Variants in LPP observed in about 807,000 individuals in gnomAD.
LPP encodes the protein LIM domain containing preferred translocation partner in lipoma, also known as lipoma-preferred partner.
In LPP, 38 loss-of-function variants were observed where a neutral mutation model predicts 60.4. The observed-to-expected ratio is 0.63, with a 90% CI of 0.49 to 0.83. The LOEUF (loss-of-function observed/expected upper bound fraction) is 0.83. LPP is among the 40% of genes least tolerant of loss of function. The pLI is 0.00. For missense variants in LPP, 902 were observed against 783.6 expected (o/e 1.15, Z -1.80); for synonymous variants, 328 against 290.8 (o/e 1.13, Z -1.30).
At chr3:188,840,429 A>ATCT (rs1759647268) in intron 9 of LPP, among the ~76,000 whole-genome samples, 1 of 152,208 alleles carries the variant, frequency 6.6e-6, no homozygotes, top group Admixed American at 6.5e-5. Context: ...GTAATGGTGA[A>ATCT]TCTTGTGCAT....
intron 1 of LPP, among the ~76,000 whole-genome samples, chr3:188,183,405 C>G (rs1458162295): frequency 1.3e-5 from 2 of 152,168 alleles, no homozygotes; most frequent in Non-Finnish European, 2.9e-5. Context: ...TGGGCAGCAC[C>G]TGTAAAGGCA....
At chr3:188,583,900 A>G (rs1473000040) in intron 6 of LPP, among the ~76,000 whole-genome samples, 1 of 152,178 alleles carries the variant, frequency 6.6e-6, no homozygotes, top group East Asian at 1.9e-4. Context: ...CAAGGAGGGA[A>G]AGCCCCAGGA....
intron 4 of LPP, among the ~76,000 whole-genome samples, chr3:188,448,441 T>TAGATAA (rs1350305982): frequency 2.2e-4 from 33 of 151,548 alleles, no homozygotes; most frequent in Admixed American, 9.2e-4. Flanking sequence ...TATCTATATT[T>TAGATAA]AGATATCTAT....
chr3:188,779,766 T>C (rs1184537940), intron 9 of LPP, among the ~76,000 whole-genome samples: 13 of 152,088 alleles, frequency 8.5e-5, no homozygotes, highest in Non-Finnish European at 2.9e-5. Flanking sequence ...GAAGTCTATT[T>C]CCTTACAACA....
chr3:188,872,258 A>T (rs1425761511), intron 10 of LPP, among the ~76,000 whole-genome samples: 1 of 152,188 alleles, frequency 6.6e-6, no homozygotes, highest in African/African-American at 2.4e-5. Context: ...AGGAGTGCAT[A>T]CAAAAGTCTA....
intron 6 of LPP, among the ~76,000 whole-genome samples, chr3:188,553,493 G>T (rs899787372): frequency 6.6e-6 from 1 of 152,140 alleles, no homozygotes; most frequent in Non-Finnish European, 1.5e-5. Context: ...TGAGGAGGTG[G>T]ATGACCTGTC....
chr3:188,453,242 G>A (rs1796992188), intron 4 of LPP, among the ~76,000 whole-genome samples: 1 of 152,088 alleles, frequency 6.6e-6, no homozygotes, highest in African/African-American at 2.4e-5. Flanking sequence ...GCTTTTCACA[G>A]GCTAGATGCT....
intron 8 of LPP, chr3:188,712,955 C>T (rs1283343376): frequency 3.3e-5 from 5 of 152,042 alleles, no homozygotes; most frequent in African/African-American, 4.8e-5. Flanking sequence ...CGGAGCCCCT[C>T]ATCACTCTTA....
At chr3:188,507,049 G>A (rs1391474984) in intron 5 of LPP, among the ~76,000 whole-genome samples, 1 of 149,586 alleles carries the variant, frequency 6.7e-6, no homozygotes, top group Non-Finnish European at 1.5e-5. Context: ...CACCTACCTC[G>A]GCCTCCCAAA....
chr3:188,646,841 A>C lies in LPP; in HGVS notation c.1113+36997A>C, dbSNP rs1851192514. ...TGCATAAACCGAACAAATCATCAGG[A>C]AGCTATAAAAGGAACAAACAAATAC... is the stretch of plus-strand genomic sequence containing the variant. On this transcript the variant is annotated intron_variant, in intron 7 of 11. Coordinates refer to ENST00000617246, the MANE Select transcript of LPP (RefSeq NM_001375462.1). Among the ~76,000 whole-genome samples, 3 of 152,188 alleles carry C rather than the reference A, an allele frequency of 2.0e-5. No individual in the cohort carries two copies. In the South Asian group the frequency reaches 6.2e-4, roughly 32 times the overall value.
rs560462031 is a variant in LPP at position 188,421,289 on chromosome 3, A to G, written c.193+14976A>G. 7.9e-5 allele frequency among the ~76,000 whole-genome samples: 12 copies of G among 152,186 alleles called. No individual in the cohort carries two copies. In the South Asian group the frequency reaches 2.5e-3, roughly 31 times the overall value. On this transcript the variant is annotated intron_variant, in intron 4 of 11. Coordinates refer to ENST00000617246, the MANE Select transcript of LPP (RefSeq NM_001375462.1). ...GTCTTGAATGATGATTCATCAGTGC[A>G]GTGGCCTATTTTAGTGAACCACAAT...
chr3:188,872,057 T>A (rs1280574597), intron 10 of LPP, among the ~76,000 whole-genome samples: 1 of 152,204 alleles, frequency 6.6e-6, no homozygotes, highest in Non-Finnish European at 1.5e-5. Flanking sequence ...ATGTAGGAAA[T>A]GCAGACTTGG....
At chr3:188,775,709 T>C (rs557413873) in intron 9 of LPP, among the ~76,000 whole-genome samples, 11 of 152,320 alleles carry the variant, frequency 7.2e-5, no homozygotes, top group African/African-American at 2.2e-4. Context: ...CAAAGTCTCT[T>C]CTGGAATTAA....
intron 7 of LPP, among the ~76,000 whole-genome samples, chr3:188,683,524 C>A (rs1337927298): frequency 6.6e-6 from 1 of 152,076 alleles, no homozygotes; most frequent in Non-Finnish European, 1.5e-5. Flanking sequence ...CAAAAGCCTG[C>A]CTTTTGCCTG....
intron 3 of LPP, among the ~76,000 whole-genome samples, chr3:188,392,550 G>A (rs1392881997): frequency 6.6e-6 from 1 of 152,066 alleles, no homozygotes; most frequent in Non-Finnish European, 1.5e-5. Context: ...TTCTTAAAAG[G>A]AAACATAGAG....
At chr3:188,424,877 A>T (rs988104298) in intron 4 of LPP, among the ~76,000 whole-genome samples, 1 of 152,208 alleles carries the variant, frequency 6.6e-6, no homozygotes, top group Non-Finnish European at 1.5e-5. Context: ...ATATGCAATC[A>T]TGTCATCTGC....
chr3:188,406,061 T>C, intron 3 of LPP, 51 bp from the exon 4 acceptor site: 1 of 1,474,654 alleles, frequency 6.8e-7, no homozygotes, highest in Non-Finnish European at 9.4e-7. Context: ...ATGAGGAGTA[T>C]TGTCTTCGTT....
Position 188,874,447 on chromosome 3 carries a change from G to T in LPP, c.1807G>T (p.Val603Leu). 2 of 1,614,188 alleles carry T rather than the reference G, an allele frequency of 1.2e-6. No individual in the cohort carries two copies. Among genetic ancestry groups the T allele is most frequent in the East Asian group, 2.2e-5 (1 of 44,888 alleles). ...GACCTGCAACTCTGCCCGCATCAGG[G>T]TGTTGACCGCCAAGGCGAGCACTGA... ...CKTCNSARIRVLTAKASTDL is the reference protein window; with the variant it reads ...CKTCNSARIRLLTAKASTDL The change falls in exon 12 of 12, where the codon GTG (valine) becomes TTG (leucine). Residue 603 changes from valine to leucine, a missense_variant. Val to Leu is a conservative substitution (Grantham distance 32, BLOSUM62 1). Coordinates refer to ENST00000617246, the MANE Select transcript of LPP (RefSeq NM_001375462.1).
intron 6 of LPP, among the ~76,000 whole-genome samples, chr3:188,528,191 C>A (rs1367829795): frequency 6.6e-6 from 1 of 151,950 alleles, no homozygotes; most frequent in Admixed American, 6.6e-5. Flanking sequence ...CCATGCCCAG[C>A]TAATTTTTTG....
Sources: allele counts gnomAD v4.1 joint callset (sites outside exome capture counted in the v4.1 genomes callset), GRCh38; gene constraint gnomAD v4.1.1; transcripts MANE v1.5; gene names NCBI Gene and HGNC (gene_info 2026-07-23, HGNC 2026-07-21).